Variants in HS3ST3B1 observed in about 807,000 individuals in gnomAD.
HS3ST3B1 encodes the protein heparan sulfate glucosamine 3-O-sulfotransferase 3B1.
HS3ST3B1 carries 13 observed loss-of-function variants against 21.3 expected under a neutral mutation model. That is an observed-to-expected ratio of 0.61 (90% confidence interval 0.40 to 0.97). The LOEUF is 0.97. Ranked by LOEUF, HS3ST3B1 falls within the 50% of genes least tolerant of loss-of-function variation. HS3ST3B1 has a pLI of 0.00. For synonymous variants in HS3ST3B1, 234 were observed against 254.8 expected, an observed-to-expected ratio of 0.92 and a Z score of 0.78; for missense variants, 459 against 554.8, an observed-to-expected ratio of 0.83 and a Z score of 1.73.
chr17:14,304,608 T>G (rs1227018621), intron 1 of HS3ST3B1: 1 of 152,240 alleles, frequency 6.6e-6, no homozygotes, highest in East Asian at 1.9e-4. Flanking sequence ...GAGTGCACCC[T>G]TCGCCCTCGT....
intron 1 of HS3ST3B1, among the ~76,000 whole-genome samples, chr17:14,319,587 A>T (rs991665548): frequency 6.6e-6 from 1 of 152,172 alleles, no homozygotes; most frequent in Non-Finnish European, 1.5e-5. Context: ...CATTTCACAA[A>T]TATCACTGGG....
intron 1 of HS3ST3B1, among the ~76,000 whole-genome samples, chr17:14,333,695 CA>C (rs1156850827): frequency 6.6e-6 from 1 of 151,924 alleles, no homozygotes; most frequent in Admixed American, 6.6e-5. Context: ...GAGGAATCAT[CA>C]GGGGTCGGGG....
chr17:14,312,451 A>G (rs1193496159), intron 1 of HS3ST3B1, among the ~76,000 whole-genome samples: 2 of 152,068 alleles, frequency 1.3e-5, no homozygotes, highest in Non-Finnish European at 2.9e-5. Flanking sequence ...TTTCCACTTA[A>G]AAGCATTTCC....
At chr17:14,313,992 G>A in intron 1 of HS3ST3B1, among the ~76,000 whole-genome samples, 1 of 150,440 alleles carries the variant, frequency 6.6e-6, no homozygotes, top group East Asian at 2.0e-4. Context: ...TTTTGTTTTT[G>A]TTTTGAGATG....
chr17:14,308,670 G>T (rs1909206000), intron 1 of HS3ST3B1, among the ~76,000 whole-genome samples: 1 of 152,134 alleles, frequency 6.6e-6, no homozygotes, highest in Non-Finnish European at 1.5e-5. Flanking sequence ...AGATATTTTT[G>T]TTCTAAATAT....
intron 1 of HS3ST3B1, among the ~76,000 whole-genome samples, chr17:14,313,012 C>G (rs992832066): frequency 4.0e-5 from 6 of 149,804 alleles, no homozygotes; most frequent in Middle Eastern, 3.4e-3. Context: ...TCAAGCAATT[C>G]TCCTGCCTCA....
chr17:14,331,819 T>G (rs947367829), intron 1 of HS3ST3B1, among the ~76,000 whole-genome samples: 11 of 152,238 alleles, frequency 7.2e-5, no homozygotes, highest in Admixed American at 3.9e-4. Context: ...TAATTATTTA[T>G]GGAGATGTGG....
At chr17:14,319,022 G>A (rs1909580287) in intron 1 of HS3ST3B1, among the ~76,000 whole-genome samples, 1 of 152,116 alleles carries the variant, frequency 6.6e-6, no homozygotes, top group African/African-American at 2.4e-5. Context: ...CATCAGTGAG[G>A]GCTGTGAGTT....
At chr17:14,332,582 T>A (rs1567642148) in intron 1 of HS3ST3B1, among the ~76,000 whole-genome samples, 1 of 152,062 alleles carries the variant, frequency 6.6e-6, no homozygotes, top group Non-Finnish European at 1.5e-5. Flanking sequence ...ATGGAAAGAT[T>A]GAGCAACTGG....
chr17:14,309,764 C>A (rs1195348078), intron 1 of HS3ST3B1, among the ~76,000 whole-genome samples: 4 of 152,204 alleles, frequency 2.6e-5, no homozygotes, highest in Non-Finnish European at 5.9e-5. Flanking sequence ...GTCTGTTCTC[C>A]GAATGTTCGG....
Position 14,345,517 on chromosome 17 carries a change from C to A in HS3ST3B1, c.1044C>A (p.Cys348Ter). The A allele has an allele frequency of 6.2e-7, 1 of 1,601,538 alleles. No homozygotes were observed. The highest frequency in any genetic ancestry group is 8.5e-7 in the Non-Finnish European group (1 of 1,171,758). ...KKAEGSSRPH[C>*]LGKTKGRTHP... is the part of the protein sequence containing the mutation. ...CGGAGGGCAGCAGCCGGCCCCATTG[C>A]CTGGGCAAGACCAAGGGCAGGACCC... The change falls in exon 2 of 2, where the codon TGC (cysteine) becomes TGA (stop). Residue 348 changes from cysteine to a stop codon, truncating the protein, a stop_gained. Transcript: ENST00000360954. LOFTEE classifies it high-confidence loss of function.
intron 1 of HS3ST3B1, among the ~76,000 whole-genome samples, chr17:14,339,599 T>C (rs1210999716): frequency 6.6e-6 from 1 of 152,146 alleles, no homozygotes; most frequent in Non-Finnish European, 1.5e-5. Flanking sequence ...CTCAGTGTCT[T>C]CATTTGAATT....
chr17:14,333,330 G>T (rs1162302362), intron 1 of HS3ST3B1, among the ~76,000 whole-genome samples: 1 of 151,950 alleles, frequency 6.6e-6, no homozygotes, highest in Non-Finnish European at 1.5e-5. Flanking sequence ...AGCCGAGCAT[G>T]GTGGCAGGCG....
chr17:14,309,394 C>A, intron 1 of HS3ST3B1, among the ~76,000 whole-genome samples: 1 of 152,342 alleles, frequency 6.6e-6, no homozygotes, highest in South Asian at 2.1e-4. Context: ...CCTCGCCGTC[C>A]GGCCTCACCT....
chr17:14,311,738 G>A (rs1909311165), intron 1 of HS3ST3B1, among the ~76,000 whole-genome samples: 1 of 152,138 alleles, frequency 6.6e-6, no homozygotes, highest in Non-Finnish European at 1.5e-5. Context: ...AAGTACAGGA[G>A]CCATGAACTT....
intron 1 of HS3ST3B1, among the ~76,000 whole-genome samples, chr17:14,302,410 T>C (rs1050892940): frequency 6.6e-6 from 1 of 152,096 alleles, no homozygotes. Flanking sequence ...CGAATCGTAT[T>C]TTATGACTCG....
At chr17:14,307,918 C>T (rs1250417072) in intron 1 of HS3ST3B1, among the ~76,000 whole-genome samples, 1 of 152,132 alleles carries the variant, frequency 6.6e-6, no homozygotes, top group Non-Finnish European at 1.5e-5. Context: ...TTGGGATAGT[C>T]AGGAATTCCA....
chr17:14,315,791 A>G (rs974968488), intron 1 of HS3ST3B1, among the ~76,000 whole-genome samples: 6 of 151,614 alleles, frequency 4.0e-5, no homozygotes, highest in Non-Finnish European at 7.4e-5. Context: ...ATTGCACTCC[A>G]GCCTGGGCAA....
In HS3ST3B1 at chr17:14,316,442, T is replaced by G. The variant is rs535909191; in HGVS notation, c.554+14370T>G. Among the ~76,000 whole-genome samples the G allele has an allele frequency of 3.3e-5, 5 of 152,278 alleles. No individual in the cohort carries two copies. The East Asian group carries it at 9.7e-4, about 29-fold the overall frequency. ...AGGCTAATTGCAGGTTCAGCTTTCC[T>G]CCAAGCAGCTTATGTCTGTTTTCAA... On this transcript the variant is annotated intron_variant, in intron 1 of 1. Transcript: ENST00000360954.
Sources: gnomAD v4.1 joint callset for allele counts (sites outside exome capture counted in the v4.1 genomes callset) on GRCh38, gnomAD v4.1.1 for gene constraint, MANE v1.5 for transcripts, NCBI Gene and HGNC (gene_info 2026-07-23, HGNC 2026-07-21) for gene names.